The following MYO16 variants were observed in gnomAD, a reference collection of about 807,000 sequenced individuals.
MYO16 encodes the protein myosin XVI.
MYO16 carries 94 observed loss-of-function variants against 205.3 expected under a neutral mutation model. That is an observed-to-expected ratio of 0.46 (90% CI 0.39 to 0.54). The LOEUF (loss-of-function observed/expected upper bound fraction) is 0.54. MYO16 is among the 20% of genes least tolerant of loss of function. The pLI, the probability that MYO16 is intolerant of heterozygous loss-of-function variation, is 0.00. For synonymous variants in MYO16, 988 were observed against 954.0 expected, an observed-to-expected ratio of 1.04 and a Z score of -0.66; for missense variants, 2,315 against 2,387.5, an observed-to-expected ratio of 0.97 and a Z score of 0.63.
intron 10 of MYO16, among the ~76,000 whole-genome samples, chr13:108,850,322 A>T (rs1877790113): frequency 6.6e-6 from 1 of 152,262 alleles, no homozygotes; most frequent in Admixed American, 6.5e-5. Context: ...ATGGTACTCA[A>T]AACAGCGTCC....
intron 34 of MYO16, among the ~76,000 whole-genome samples, chr13:109,191,105 G>C (rs1290199243): frequency 6.6e-6 from 1 of 152,014 alleles, no homozygotes; most frequent in Non-Finnish European, 1.5e-5. Flanking sequence ...TGTAATCCCA[G>C]CTACACGGGA....
chr13:108,565,791 T>C, the MYO16 span, among the ~76,000 whole-genome samples: 1 of 152,318 alleles, frequency 6.6e-6, no homozygotes, highest in Admixed American at 6.5e-5. Flanking sequence ...TTTTCCCCCA[T>C]TCGGTATAAT....
intron 7 of MYO16, among the ~76,000 whole-genome samples, chr13:108,812,174 A>G (rs962895277): frequency 5.3e-5 from 8 of 152,120 alleles, no homozygotes; most frequent in African/African-American, 1.9e-4. Context: ...CGTCTTTCCT[A>G]ATGCTCGGAA....
intron 27 of MYO16, among the ~76,000 whole-genome samples, chr13:109,084,703 C>T (rs1888384790): frequency 6.6e-6 from 1 of 151,646 alleles, no homozygotes; most frequent in South Asian, 2.1e-4. Flanking sequence ...TTTTTTCTCC[C>T]ACCTCTTCTC....
At chr13:109,021,065 A>G (rs1020004323) in intron 23 of MYO16, among the ~76,000 whole-genome samples, 2 of 152,186 alleles carry the variant, frequency 1.3e-5, no homozygotes, top group Non-Finnish European at 2.9e-5. Context: ...CAGACCTTCA[A>G]AGGTGATTGA....
intron 4 of MYO16, among the ~76,000 whole-genome samples, chr13:108,738,579 A>G (rs1235084451): frequency 6.6e-6 from 1 of 152,130 alleles, no homozygotes; most frequent in African/African-American, 2.4e-5. Context: ...TTTTGGAATA[A>G]GTCTGATGTG....
In MYO16 at chr13:109,102,508, GTATATA is replaced by G. The variant is rs66608070; in HGVS notation, c.3438+1633_3438+1638del. On this transcript the variant is annotated intron_variant, in intron 28 of 34. Coordinates refer to ENST00000457511, the MANE Select transcript of MYO16 (RefSeq NM_001198950.3). The stretch of plus-strand genomic sequence containing the variant: ...TATATATGTATATGTGTGTGTGTGT[GTATATA>G]TATATATATATCTGTGAGATAGATG... Among the ~76,000 whole-genome samples the G allele has an allele frequency of 2.5e-4, 14 of 55,608 alleles. 1 individual carries two copies. The highest frequency in any genetic ancestry group is 6.4e-4 in the African/African-American group (9 of 14,156). The allele number at this position is 55,608 out of a possible 152,430, so 36.5% of individuals were successfully genotyped here. A position where few individuals can be genotyped will look rare whatever the true frequency, so the allele number is the denominator to read the frequency against.
intron 33 of MYO16, 149 bp downstream of exon 33, chr13:109,165,208 T>C (rs1878593506): frequency 6.5e-6 from 4 of 614,126 alleles, no homozygotes; most frequent in Non-Finnish European, 1.1e-5. Flanking sequence ...GCAAGTATTA[T>C]TGTCAGCATA....
At chr13:108,767,269 A>T (rs989011426) in intron 4 of MYO16, among the ~76,000 whole-genome samples, 1 of 151,800 alleles carries the variant, frequency 6.6e-6, no homozygotes, top group Non-Finnish European at 1.5e-5. Context: ...TGCCCGGTTA[A>T]TATTTTGTAT....
chr13:108,712,866 T>A, intron 3 of MYO16, 135 bp downstream of exon 3: 1 of 639,170 alleles, frequency 1.6e-6, no homozygotes, highest in Non-Finnish European at 2.6e-6. Flanking sequence ...TTAACAGGCT[T>A]GGATGATAAG....
intron 34 of MYO16, among the ~76,000 whole-genome samples, chr13:109,199,418 T>G (rs1362441560): frequency 6.6e-6 from 1 of 151,820 alleles, no homozygotes; most frequent in Non-Finnish European, 1.5e-5. Flanking sequence ...TCCTTTGTAC[T>G]TTCCCAGTCA....
At chr13:108,574,405 T>C in the MYO16 span, among the ~76,000 whole-genome samples, 1 of 152,124 alleles carries the variant, frequency 6.6e-6, no homozygotes, top group Non-Finnish European at 1.5e-5. Context: ...GTATCAAGAG[T>C]CTATTGGTAT....
intron 1 of MYO16, among the ~76,000 whole-genome samples, chr13:108,649,558 T>C (rs754476473): frequency 5.3e-5 from 8 of 152,208 alleles, no homozygotes; most frequent in Non-Finnish European, 1.2e-4. Context: ...GGAAGATATA[T>C]GGAAAAAGCT....
chr13:108,737,612 C>T (rs1364360195), intron 4 of MYO16, among the ~76,000 whole-genome samples: 1 of 152,070 alleles, frequency 6.6e-6, no homozygotes, highest in African/African-American at 2.4e-5. Context: ...TTTGTTGTGT[C>T]TCTGCCAGGC....
intron 34 of MYO16, among the ~76,000 whole-genome samples, chr13:109,185,322 A>AGG (rs1566553780): frequency 1.3e-5 from 2 of 151,924 alleles, no homozygotes; most frequent in Admixed American, 6.5e-5. Context: ...TGCACAAAAA[A>AGG]GTAATTTTGG....
chr13:108,544,041 G>C, the MYO16 span, among the ~76,000 whole-genome samples: 3 of 140,058 alleles, frequency 2.1e-5, no homozygotes, highest in Non-Finnish European at 4.6e-5. Context: ...CTCCAGTCTG[G>C]GCAACAAGAG....
At chr13:108,950,803 C>G (rs564776807) in intron 16 of MYO16, among the ~76,000 whole-genome samples, 2 of 152,290 alleles carry the variant, frequency 1.3e-5, no homozygotes, top group Admixed American at 6.5e-5. Flanking sequence ...AGATGTTTCT[C>G]AGACGGGTAA....
chr13:109,161,286 A>G (rs1342861044), intron 32 of MYO16, among the ~76,000 whole-genome samples: 1 of 152,210 alleles, frequency 6.6e-6, no homozygotes, highest in African/African-American at 2.4e-5. Context: ...CCCATATCCT[A>G]TCCTTTACAT....
chr13:108,821,529 T>C (rs1875969954), intron 8 of MYO16, among the ~76,000 whole-genome samples: 1 of 152,210 alleles, frequency 6.6e-6, no homozygotes, highest in Admixed American at 6.6e-5. Context: ...ACGTGTTTAC[T>C]GTGAGTACAA....
Sources: gnomAD v4.1 joint callset for allele counts (sites outside exome capture counted in the v4.1 genomes callset) on GRCh38, gnomAD v4.1.1 for gene constraint, MANE v1.5 for transcripts, NCBI Gene and HGNC (gene_info 2026-07-23, HGNC 2026-07-21) for gene names.